DLGAP5: variants seen among roughly 807,000 people sequenced by gnomAD.
The protein encoded by DLGAP5 is disks large-associated protein 5.
In DLGAP5, 90 loss-of-function variants were observed where a neutral mutation model predicts 99.6. The ratio of observed to expected loss-of-function variants is 0.90; its 90% CI spans 0.76 to 1.08. The LOEUF (loss-of-function observed/expected upper bound fraction) is 1.08, where lower values mean the gene tolerates loss of function less well. Among genes scored for constraint, DLGAP5 ranks in the 50% least tolerant of loss-of-function variants. DLGAP5 has a pLI of 0.00. For missense variants in DLGAP5, 1,036 were observed against 983.5 expected, an observed-to-expected ratio of 1.05 and a Z score of -0.71; for synonymous variants, 311 against 321.3, an observed-to-expected ratio of 0.97 and a Z score of 0.34.
At chr14:55,175,761 T>C (rs1261704701) in intron 9 of DLGAP5, 133 bp downstream of exon 9, 1 of 790,418 alleles carries the variant, frequency 1.3e-6, no homozygotes, top group Non-Finnish European at 1.9e-6. Context: ...AATGATATGG[T>C]GAAAAAGAGC....
At chr14:55,183,425 G>T (rs937907264) in intron 3 of DLGAP5, 135 bp downstream of exon 3, 1 of 643,106 alleles carries the variant, frequency 1.6e-6, no homozygotes, top group Non-Finnish European at 2.4e-6. Context: ...ATTCTTCTGA[G>T]CTACTATTAT....
At chr14:55,159,220 T>G (rs6573007) in intron 13 of DLGAP5, among the ~76,000 whole-genome samples, 84,665 of 152,080 alleles carry the variant, frequency 0.56, 26,597 homozygotes, top group African/African-American at 0.87. Flanking sequence ...GTGAGGCAAG[T>G]GCTAGAGAGA....
chr14:55,158,492 A>C (rs1264440143), intron 14 of DLGAP5, 30 bp downstream of exon 14: 1 of 1,551,342 alleles, frequency 6.4e-7, no homozygotes, highest in Middle Eastern at 1.8e-4. Flanking sequence ...CAGGAAAAAC[A>C]AAAAAAATAA....
chr14:55,148,862 G>A (rs78006777), intron 18 of DLGAP5, among the ~76,000 whole-genome samples: 1,924 of 152,192 alleles, frequency 0.013, 25 homozygotes, highest in Middle Eastern at 0.02. Flanking sequence ...TATGTAAATG[G>A]ACTCAAGCAG....
At chr14:55,170,947 A>T (rs1005298737) in intron 10 of DLGAP5, among the ~76,000 whole-genome samples, 160 bp from the exon 11 acceptor site, 2 of 152,242 alleles carry the variant, frequency 1.3e-5, no homozygotes, top group Admixed American at 6.5e-5. Flanking sequence ...TGATATATTA[A>T]AATCCATAAA....
chr14:55,160,433 A>G (rs1172151251), intron 13 of DLGAP5, among the ~76,000 whole-genome samples: 1 of 151,434 alleles, frequency 6.6e-6, no homozygotes, highest in African/African-American at 2.4e-5. Context: ...ATACTGCAGA[A>G]AGGTTAGATT....
intron 13 of DLGAP5, among the ~76,000 whole-genome samples, chr14:55,161,152 G>T (rs934433796): frequency 7.9e-5 from 12 of 152,072 alleles, no homozygotes; most frequent in African/African-American, 2.9e-4. Flanking sequence ...TAATCTTAAA[G>T]GTAGCCTATA....
At chr14:55,174,905 G>A (rs1426909713) in intron 10 of DLGAP5, among the ~76,000 whole-genome samples, 2 of 152,068 alleles carry the variant, frequency 1.3e-5, no homozygotes, top group Non-Finnish European at 2.9e-5. Context: ...TAGACAGGAT[G>A]GTCTCGATTT....
intron 14 of DLGAP5, 152 bp downstream of exon 14, chr14:55,158,370 G>A: frequency 3.1e-6 from 2 of 645,270 alleles, no homozygotes; most frequent in East Asian, 2.7e-5. Context: ...TTGTGAGCGA[G>A]CATAGTCTAT....
At chr14:55,189,952 T>A (rs1227221051) in intron 1 of DLGAP5, among the ~76,000 whole-genome samples, 1 of 152,172 alleles carries the variant, frequency 6.6e-6, no homozygotes, top group Non-Finnish European at 1.5e-5. Flanking sequence ...GTCTGTCTAG[T>A]GACCAGCCCC....
rs1555328155 is a variant in DLGAP5, at chr14:55,161,408, A to AAAT, written c.1653+1562_1653+1563insATT. On this transcript the variant is annotated intron_variant, in intron 13 of 18. Transcript: ENST00000247191. ...ATGAGACTTTATTAGTAAAAAAAAA[A>AAAT]TTTTTTTTTTTTTTTTTTTTGAGAC... is the stretch of plus-strand genomic sequence containing the variant. Among the ~76,000 whole-genome samples the AAAT allele has an allele frequency of 5.1e-3, 586 of 115,892 alleles. 1 individual carries two copies. Among genetic ancestry groups the AAAT allele is most frequent in the Non-Finnish European group, 6.6e-3 (371 of 55,896 alleles). The allele number at this position is 115,892 out of a possible 152,430, so 76.0% of individuals were successfully genotyped here.
Position 55,183,880 on chromosome 14 carries a change from C to T in DLGAP5, c.239-127G>A, listed in dbSNP as rs568744931. On this transcript the variant is annotated intron_variant, in intron 2 of 18. Coordinates refer to ENST00000247191, the MANE Select transcript of DLGAP5 (RefSeq NM_014750.5). ...CTAAAAAATGCTTTCAGGCCAGGCACGGTGGCTCACGCCTGTAATCCCAGC... is the reference window on the plus strand; with the variant it reads ...CTAAAAAATGCTTTCAGGCCAGGCATGGTGGCTCACGCCTGTAATCCCAGC... The T allele has an allele frequency of 8.2e-5, 77 of 936,624 alleles. No homozygotes were observed. The African/African-American group carries it at 9.2e-4, about 11-fold the overall frequency. The allele number at this position is 936,624 out of a possible 1,614,324, so 58.0% of individuals were successfully genotyped here.
At chr14:55,177,447 T>G (rs772259338) in intron 7 of DLGAP5, 111 bp from the exon 8 acceptor site, 764 of 1,003,938 alleles carry the variant, frequency 7.6e-4, no homozygotes, top group Admixed American at 9.9e-4. Context: ...TCTATGTACA[T>G]AATTTGAGAG....
intron 10 of DLGAP5, among the ~76,000 whole-genome samples, chr14:55,174,064 CTCT>C (rs572697584): frequency 0.011 from 1,626 of 152,356 alleles, 14 homozygotes; most frequent in Non-Finnish European, 0.017. Flanking sequence ...AGCCATATTT[CTCT>C]TCTTTCAAAA....
At chr14:55,167,057 C>G (rs1882668939) in intron 12 of DLGAP5, among the ~76,000 whole-genome samples, 1 of 151,876 alleles carries the variant, frequency 6.6e-6, no homozygotes, top group South Asian at 2.1e-4. Context: ...GAGTTTAAGA[C>G]AAGCCTGACC....
intron 6 of DLGAP5, 99 bp from the exon 7 acceptor site, chr14:55,179,798 G>T: frequency 2.2e-6 from 2 of 913,022 alleles, no homozygotes; most frequent in Non-Finnish European, 3.3e-6. Context: ...AGGAATATAT[G>T]TCTTGAAGGA....
intron 1 of DLGAP5, among the ~76,000 whole-genome samples, chr14:55,190,061 C>T (rs1391620513): frequency 6.6e-6 from 1 of 152,130 alleles, no homozygotes; most frequent in Non-Finnish European, 1.5e-5. Flanking sequence ...AGTTGTTTGC[C>T]AGAAAACAGA....
intron 6 of DLGAP5, 50 bp from the exon 7 acceptor site, chr14:55,179,749 A>G: frequency 2.1e-6 from 3 of 1,448,054 alleles, no homozygotes; most frequent in Non-Finnish European, 2.9e-6. Context: ...TGCTACATGA[A>G]AATACTAGGT....
chr14:55,153,456 A>G (rs556640177), intron 15 of DLGAP5, among the ~76,000 whole-genome samples: 147 of 151,062 alleles, frequency 9.7e-4, no homozygotes, highest in African/African-American at 3.4e-3. Flanking sequence ...CAGGAGAATC[A>G]CTTGAACCTG....
Sources: allele counts gnomAD v4.1 joint callset (sites outside exome capture counted in the v4.1 genomes callset), GRCh38; gene constraint gnomAD v4.1.1; transcripts MANE v1.5; gene names NCBI Gene and HGNC (gene_info 2026-07-23, HGNC 2026-07-21).